AXDND1: variants seen among roughly 807,000 people sequenced by gnomAD.
AXDND1 encodes the protein axonemal dynein light chain domain containing 1.
In AXDND1, 110 loss-of-function variants were observed where a neutral mutation model predicts 137.5. The observed-to-expected ratio is 0.80, with a 90% CI of 0.69 to 0.94. AXDND1 has a LOEUF of 0.94. AXDND1 is among the 40% of genes least tolerant of loss of function. The probability of loss-of-function intolerance (pLI) is 0.00; values close to 1 mark genes in which losing one functional copy is unlikely to be tolerated. For synonymous variants in AXDND1, 414 were observed against 399.7 expected (o/e 1.04, Z -0.43); for missense variants, 1,191 against 1,169.8 (o/e 1.02, Z -0.26).
chr1:179,413,402 C>A (rs1654191350), intron 12 of AXDND1, among the ~76,000 whole-genome samples: 1 of 152,190 alleles, frequency 6.6e-6, no homozygotes, highest in African/African-American at 2.4e-5. Flanking sequence ...CTTTCCCACC[C>A]TCCCCACTTT....
At position 179,464,170 on chromosome 1, in the gene AXDND1, G is replaced by T. The variant is rs570300407; in HGVS notation, c.1799-4273G>T. ...GATCCTGTCATTATGCTGTTAGCTG[G>T]TTATTTTGCTCGTTAGTTGATGCAG... On this transcript the variant is annotated intron_variant, in intron 16 of 25. Coordinates refer to ENST00000367618, the MANE Select transcript of AXDND1 (RefSeq NM_144696.6). Among the ~76,000 whole-genome samples, 6 of 152,250 alleles carry T rather than the reference G, an allele frequency of 3.9e-5. No homozygotes were observed. The East Asian group carries it at 1.2e-3, about 29-fold the overall frequency.
chr1:179,437,796 GA>G (rs1302935706), intron 15 of AXDND1, among the ~76,000 whole-genome samples: 3 of 152,172 alleles, frequency 2.0e-5, no homozygotes, highest in African/African-American at 7.2e-5. Context: ...GTCTTCAAAA[GA>G]AGGCTGAAAT....
intron 20 of AXDND1, 33 bp downstream of exon 20, chr1:179,492,984 T>G: frequency 6.9e-7 from 1 of 1,445,246 alleles, no homozygotes; most frequent in Non-Finnish European, 9.5e-7. Context: ...AGTTTTGTTT[T>G]TGTTTTGTTT....
At chr1:179,447,886 G>T in intron 16 of AXDND1, 2 of 1,353,660 alleles carry the variant, frequency 1.5e-6, no homozygotes, top group Non-Finnish European at 2.1e-6. Context: ...AGCTCCAGGG[G>T]ACACATTTCT....
At chr1:179,473,072 TTC>T (rs1207897232) in intron 17 of AXDND1, among the ~76,000 whole-genome samples, 1 of 152,096 alleles carries the variant, frequency 6.6e-6, no homozygotes, top group East Asian at 1.9e-4. Flanking sequence ...ACTTTTTTGT[TTC>T]TCTGTTTTTC....
At chr1:179,459,807 C>T (rs1661986173) in intron 16 of AXDND1, among the ~76,000 whole-genome samples, 1 of 135,480 alleles carries the variant, frequency 7.4e-6, no homozygotes, top group African/African-American at 2.8e-5. Context: ...CTCTTTCTTT[C>T]CTTCCTTCCT....
intron 22 of AXDND1, among the ~76,000 whole-genome samples, chr1:179,528,005 AC>A (rs1372520544): frequency 4.6e-5 from 7 of 152,162 alleles, no homozygotes; most frequent in South Asian, 2.1e-4. Flanking sequence ...CTTGGAGCAC[AC>A]TTTTATGCTA....
At chr1:179,386,608 T>G (rs1037384600) in intron 9 of AXDND1, among the ~76,000 whole-genome samples, 2 of 152,176 alleles carry the variant, frequency 1.3e-5, no homozygotes, top group African/African-American at 4.8e-5. Flanking sequence ...TTATACACAT[T>G]TTTGCTCTTT....
In AXDND1 at chr1:179,430,554, G is replaced by A. The variant is rs754805292; in HGVS notation, c.1435G>A (p.Glu479Lys). 21 of 1,613,652 alleles carry A rather than the reference G, an allele frequency of 1.3e-5. No homozygotes were observed. The East Asian group carries it at 2.0e-4, about 15-fold the overall frequency. ...AGAACAAATGGAAGAGTCTACAAGC[G>A]AGACACTGAAAATTGTTAAGGATGG... ...EVEQMEESTS[E>K]TLKIVKDGLI... The change falls in exon 14 of 26, where the codon GAG (glutamate) becomes AAG (lysine). Residue 479 changes from glutamate (E) to lysine (K), a missense_variant. Physicochemically the swap from Glu to Lys is moderately conservative, Grantham distance 56. Transcript: ENST00000367618.
At position 179,530,321 on chromosome 1, in the gene AXDND1, G is replaced by A. The variant is rs552998640; in HGVS notation, c.2715+1890G>A. ...TGGGATTACAGGCGTGAGCCACCAC[G>A]CCCGGCCAAAATTTTTTAAAAAGGA... On this transcript the variant is annotated intron_variant, in intron 23 of 25. Coordinates refer to ENST00000367618, the MANE Select transcript of AXDND1 (RefSeq NM_144696.6). 6.6e-5 allele frequency among the ~76,000 whole-genome samples: 10 copies of A among 152,212 alleles called. No individual in the cohort carries two copies. In the South Asian group the frequency reaches 1.5e-3, roughly 22 times the overall value.
At chr1:179,433,511 A>G (rs1657690216) in intron 15 of AXDND1, among the ~76,000 whole-genome samples, 1 of 152,120 alleles carries the variant, frequency 6.6e-6, no homozygotes, top group African/African-American at 2.4e-5. Flanking sequence ...AGTGCTATAA[A>G]TTTCCATCTT....
intron 18 of AXDND1, among the ~76,000 whole-genome samples, chr1:179,486,139 A>AAAAAAAAAAAAAAAAT (rs149119239): frequency 6.8e-5 from 6 of 87,798 alleles, no homozygotes; most frequent in Non-Finnish European, 9.2e-5. Context: ...AAAAAAAAAA[A>AAAAAAAAAAAAAAAAT]AACCTGATAG....
intron 20 of AXDND1, among the ~76,000 whole-genome samples, chr1:179,497,038 C>T (rs1667511993): frequency 6.6e-6 from 1 of 152,050 alleles, no homozygotes; most frequent in Non-Finnish European, 1.5e-5. Flanking sequence ...AATATGATTT[C>T]ATTGTAGTCA....
intron 17 of AXDND1, among the ~76,000 whole-genome samples, chr1:179,475,922 G>T (rs1004459368): frequency 2.0e-5 from 3 of 152,158 alleles, no homozygotes; most frequent in African/African-American, 7.2e-5. Context: ...TGGATCATGG[G>T]GGCTGTTTCA....
intron 18 of AXDND1, among the ~76,000 whole-genome samples, chr1:179,490,284 A>G (rs1049373725): frequency 6.6e-6 from 1 of 152,206 alleles, no homozygotes; most frequent in South Asian, 2.1e-4. Context: ...AGAGTAGATC[A>G]TGTTTAAGCC....
chr1:179,423,413 A>G (rs1451146340), intron 12 of AXDND1, among the ~76,000 whole-genome samples: 1 of 152,056 alleles, frequency 6.6e-6, no homozygotes, highest in East Asian at 1.9e-4. Flanking sequence ...TTTTAATTGG[A>G]TAATTGAGTT....
intron 23 of AXDND1, among the ~76,000 whole-genome samples, chr1:179,529,520 C>T (rs1336410899): frequency 6.6e-6 from 1 of 152,184 alleles, no homozygotes; most frequent in Non-Finnish European, 1.5e-5. Flanking sequence ...AGAATACAGA[C>T]TGAGTATGGC....
At chr1:179,383,863 T>C (rs1292619914) in intron 8 of AXDND1, among the ~76,000 whole-genome samples, 4 of 152,182 alleles carry the variant, frequency 2.6e-5, no homozygotes, top group Non-Finnish European at 4.4e-5. Flanking sequence ...AAGACCCTTA[T>C]TATTTTATGT....
At chr1:179,381,262 G>T (rs12751550) in intron 6 of AXDND1, among the ~76,000 whole-genome samples, 2 of 150,494 alleles carry the variant, frequency 1.3e-5, no homozygotes, top group East Asian at 2.0e-4. Flanking sequence ...AGCTGGTCTC[G>T]AACTCCTGAC....
Sources: gnomAD v4.1 joint callset for allele counts (sites outside exome capture counted in the v4.1 genomes callset) on GRCh38, gnomAD v4.1.1 for gene constraint, MANE v1.5 for transcripts, NCBI Gene and HGNC (gene_info 2026-07-23, HGNC 2026-07-21) for gene names.